CFAP58: variants seen among roughly 807,000 people sequenced by gnomAD.
CFAP58 encodes cilia and flagella associated protein 58, also known as cilia- and flagella-associated protein 58.
In CFAP58, 88 loss-of-function variants were observed where a neutral mutation model predicts 119.5. The ratio of observed to expected loss-of-function variants is 0.74; its 90% CI spans 0.62 to 0.88. The LOEUF (loss-of-function observed/expected upper bound fraction) is 0.88, where lower values mean the gene tolerates loss of function less well. Among genes scored for constraint, CFAP58 ranks in the 40% least tolerant of loss-of-function variants. The probability of loss-of-function intolerance (pLI) is 0.00; values close to 1 mark genes in which losing one functional copy is unlikely to be tolerated. For missense variants in CFAP58, 990 were observed against 1,021.2 expected (o/e 0.97, Z 0.42); for synonymous variants, 365 against 366.3 (o/e 1.00, Z 0.04).
intron 13 of CFAP58, among the ~76,000 whole-genome samples, chr10:104,401,899 C>T (rs1473292136): frequency 6.6e-6 from 1 of 152,100 alleles, no homozygotes; most frequent in Non-Finnish European, 1.5e-5. Flanking sequence ...AGAGATACCA[C>T]CACTGACATT....
At chr10:104,453,649 G>C (rs1289165590) in intron 17 of CFAP58, among the ~76,000 whole-genome samples, 1 of 152,050 alleles carries the variant, frequency 6.6e-6, no homozygotes, top group South Asian at 2.1e-4. Context: ...GGTCTTAGCA[G>C]TTTGCTTAAT....
intron 7 of CFAP58, 119 bp from the exon 8 acceptor site, chr10:104,376,692 A>T: frequency 1.5e-6 from 1 of 679,254 alleles, no homozygotes; most frequent in Non-Finnish European, 2.5e-6. Flanking sequence ...ACACTTGGTT[A>T]ATAGTAGTTT....
chr10:104,386,425 G>T (rs2011926848), intron 9 of CFAP58, among the ~76,000 whole-genome samples: 1 of 151,504 alleles, frequency 6.6e-6, no homozygotes, highest in African/African-American at 2.4e-5. Context: ...AAAGTAAAAT[G>T]GTTGTGTATT....
chr10:104,392,012 C>G (rs1256364542), intron 9 of CFAP58, among the ~76,000 whole-genome samples: 1 of 151,948 alleles, frequency 6.6e-6, no homozygotes, highest in Non-Finnish European at 1.5e-5. Context: ...CTGTGTTAAG[C>G]TTTATACTTG....
chr10:104,357,364 A>G (rs1303753723), intron 1 of CFAP58, among the ~76,000 whole-genome samples: 1 of 152,200 alleles, frequency 6.6e-6, no homozygotes, highest in Non-Finnish European at 1.5e-5. Context: ...TACATTTCTA[A>G]GGAATAAAAA....
chr10:104,357,822 TATAC>T (rs2014568965), intron 1 of CFAP58, among the ~76,000 whole-genome samples: 2 of 147,754 alleles, frequency 1.4e-5, no homozygotes, highest in African/African-American at 5.0e-5. Context: ...TATGTACATA[TATAC>T]ACATATATGT....
chr10:104,450,118 TA>T lies in CFAP58; in HGVS notation c.2427del (p.Lys809AsnfsTer4). 1 of 1,612,776 alleles carries T rather than the reference TA, an allele frequency of 6.2e-7. No individual in the cohort carries two copies. The highest frequency in any genetic ancestry group is 8.5e-7 in the Non-Finnish European group (1 of 1,179,234). On this transcript the variant is annotated frameshift_variant, in exon 17 of 18. Coordinates refer to ENST00000369704, the MANE Select transcript of CFAP58 (RefSeq NM_001008723.2). LOFTEE classifies it high-confidence loss of function. ...TGTATGAAGTACAGAGCAAAGAATA[TA>T]AATATGAGGTAGAGAAACTTACCAA... ...NMYEVQSKEYKYEVEKLTNEL... is the reference protein window; with the variant it reads ...NMYEVQSKEYXYEVEKLTNEL...
At chr10:104,357,899 G>C (rs1402554344) in intron 1 of CFAP58, among the ~76,000 whole-genome samples, 1 of 106,998 alleles carries the variant, frequency 9.3e-6, no homozygotes, top group African/African-American at 5.1e-5. Context: ...AAACATATAT[G>C]TACACATATA....
At chr10:104,436,867 G>A (rs757937610) in intron 15 of CFAP58, among the ~76,000 whole-genome samples, 18 of 152,160 alleles carry the variant, frequency 1.2e-4, no homozygotes, top group South Asian at 2.1e-4. Context: ...CCTTGCACAC[G>A]CTGCAGGCTC....
chr10:104,358,547 A>C lies in CFAP58; in HGVS notation c.216A>C (p.Val72=). ...GCAGAGAGCTAAATGCAGAGATTGT[A>C]GTGAATTCTGCGAAGGTCGCCACTG... ...AKCRELNAEI[V]VNSAKVATAL... Residue 72 remains valine, a synonymous_variant, in exon 2 of 18, where the codon GTA becomes GTC. Coordinates refer to ENST00000369704, the MANE Select transcript of CFAP58 (RefSeq NM_001008723.2). The C allele has an allele frequency of 6.2e-7, 1 of 1,614,162 alleles. No homozygotes were observed. The highest frequency in any genetic ancestry group is 8.5e-7 in the Non-Finnish European group (1 of 1,180,000).
intron 15 of CFAP58, among the ~76,000 whole-genome samples, chr10:104,423,144 G>A (rs1218515579): frequency 1.3e-5 from 2 of 152,078 alleles, no homozygotes; most frequent in East Asian, 3.8e-4. Context: ...ATGGTTTGCT[G>A]TAGGACATAG....
chr10:104,442,775 A>G (rs966781889), intron 15 of CFAP58, among the ~76,000 whole-genome samples: 2 of 152,202 alleles, frequency 1.3e-5, no homozygotes, highest in African/African-American at 4.8e-5. Context: ...AGATCAAGGC[A>G]AAGTTGTACC....
chr10:104,419,560 T>TC lies in CFAP58; in HGVS notation c.2256+12769dup, dbSNP rs574388191. On this transcript the variant is annotated intron_variant, in intron 15 of 17. Coordinates refer to ENST00000369704, the MANE Select transcript of CFAP58 (RefSeq NM_001008723.2). ...TTTAGGGACTGTTCTTTTATCTGTG[T>TC]CCTTTTTTTTTTTTTACTTTTGAAA... 3.1e-3 allele frequency among the ~76,000 whole-genome samples: 474 copies of TC among 151,654 alleles called. 1 individual carries two copies. The highest frequency in any genetic ancestry group is 0.011 in the African/African-American group (457 of 41,444).
At chr10:104,360,413 A>C (rs1564877676) in intron 2 of CFAP58, among the ~76,000 whole-genome samples, 1 of 151,990 alleles carries the variant, frequency 6.6e-6, no homozygotes. Context: ...GGCAGAAGGC[A>C]AAGTGGAGCA....
At chr10:104,347,906 C>T in the CFAP58 span, among the ~76,000 whole-genome samples, 1 of 151,942 alleles carries the variant, frequency 6.6e-6, no homozygotes, top group Non-Finnish European at 1.5e-5. Flanking sequence ...CTGTGGATTC[C>T]CCTCATTTAT....
rs146139460 is a variant in CFAP58 at position 104,454,431 on chromosome 10, C to G, written c.2520C>G (p.Asp840Glu). ...KRKEQLQKNKDTAPMDNTFLM... is the reference protein window; with the variant it reads ...KRKEQLQKNKETAPMDNTFLM... ...ACCTCCTCTCTTACAGAAACAAGGACACAGCACCCATGGATAACACCTTCT... is the reference window on the plus strand; with the variant it reads ...ACCTCCTCTCTTACAGAAACAAGGAGACAGCACCCATGGATAACACCTTCT... The change falls in exon 18 of 18, where the codon GAC (aspartate) becomes GAG (glutamate). Residue 840 changes from aspartate to glutamate, a missense_variant. Transcript: ENST00000369704. 1.6e-4 allele frequency: 254 copies of G among 1,613,062 alleles called. 2 individuals carry two copies. The highest frequency in any genetic ancestry group is 1.5e-3 in the Middle Eastern group (9 of 6,082).
the CFAP58 span, among the ~76,000 whole-genome samples, chr10:104,342,467 G>A: frequency 2.0e-5 from 3 of 152,056 alleles, no homozygotes; most frequent in Admixed American, 2.0e-4. Flanking sequence ...GTATACATGT[G>A]TGTGTGAAAG....
At chr10:104,381,075 G>A (rs910394940) in intron 9 of CFAP58, among the ~76,000 whole-genome samples, 2 of 152,108 alleles carry the variant, frequency 1.3e-5, no homozygotes, top group African/African-American at 2.4e-5. Context: ...GCTTGAGCCC[G>A]GGAGGTGGAG....
At chr10:104,409,731 A>G (rs2012430340) in intron 15 of CFAP58, among the ~76,000 whole-genome samples, 1 of 152,120 alleles carries the variant, frequency 6.6e-6, no homozygotes, top group South Asian at 2.1e-4. Context: ...TAATATTTTT[A>G]CTTACAAATT....
Sources: gnomAD v4.1 joint callset for allele counts (sites outside exome capture counted in the v4.1 genomes callset) on GRCh38, gnomAD v4.1.1 for gene constraint, MANE v1.5 for transcripts, NCBI Gene and HGNC (gene_info 2026-07-23, HGNC 2026-07-21) for gene names.